PLXDC1: variants seen among roughly 807,000 people sequenced by gnomAD.
PLXDC1 encodes the protein plexin domain-containing protein 1.
In PLXDC1, 39 loss-of-function variants were observed where a neutral mutation model predicts 61.3. The observed-to-expected ratio is 0.64, with a 90% CI of 0.49 to 0.83. The LOEUF (loss-of-function observed/expected upper bound fraction) is 0.83, where lower values mean the gene tolerates loss of function less well. PLXDC1 is among the 40% of genes least tolerant of loss of function. The pLI is 0.00. For synonymous variants in PLXDC1, 212 were observed against 254.5 expected, an observed-to-expected ratio of 0.83 and a Z score of 1.59; for missense variants, 596 against 666.5, an observed-to-expected ratio of 0.89 and a Z score of 1.17.
chr17:39,079,013 G>T, intron 10 of PLXDC1, 91 bp downstream of exon 10: 1 of 1,020,982 alleles, frequency 9.8e-7, no homozygotes, highest in Non-Finnish European at 1.5e-6. Flanking sequence ...ATGCCACCTT[G>T]AGAAGAGTTT....
chr17:39,130,790 G>A (rs1247333923), intron 2 of PLXDC1, among the ~76,000 whole-genome samples: 1 of 152,040 alleles, frequency 6.6e-6, no homozygotes, highest in Non-Finnish European at 1.5e-5. Flanking sequence ...TCGAATTCCT[G>A]ACCTCAAATG....
chr17:39,069,994 G>C lies in PLXDC1; in HGVS notation c.1245C>G (p.Pro415=). 6.2e-7 allele frequency: 1 copy of C among 1,613,862 alleles called. No homozygotes were observed. Among genetic ancestry groups the C allele is most frequent in the African/African-American group, 1.3e-5 (1 of 75,002 alleles). The change falls in exon 13 of 14, where the codon CCC becomes CCG. Residue 415 remains proline, a synonymous_variant. Coordinates refer to ENST00000315392, the MANE Select transcript of PLXDC1 (RefSeq NM_020405.5). ...GGDGLQNNLS[P]KTKGTPVHLG... ...GGTGCACAGGAGTGCCCTTTGTCTT[G>C]GGGGACAGGTTGTTCTGAAGGCCTG...
intron 1 of PLXDC1, among the ~76,000 whole-genome samples, chr17:39,142,028 T>C (rs1311369233): frequency 2.6e-5 from 4 of 152,190 alleles, no homozygotes; most frequent in Non-Finnish European, 4.4e-5. Context: ...GGATAATTCA[T>C]TGTTATGCGG....
rs1567777199 is a variant in PLXDC1, at chr17:39,151,619, G to A, written c.-182C>T. 2.3e-5 allele frequency: 26 copies of A among 1,110,664 alleles called. No homozygotes were observed. Among genetic ancestry groups the A allele is most frequent in the Non-Finnish European group, 2.9e-5 (26 of 909,746 alleles). 68.8% of individuals were successfully genotyped at this position (1,110,664 alleles called of 1,614,324 possible). ...CGGCGAGAGCGCGAGCGGAGCTGGA[G>A]GCTGCGGCCTCCGGGAGCAGGCGGG... On this transcript the variant is annotated 5_prime_UTR_variant, in exon 1 of 14. Transcript: ENST00000315392. The surrounding 1 kb of genome is among the most constrained non-coding windows in gnomAD (Gnocchi z 5.2).
chr17:39,145,009 C>A (rs1000666156), intron 1 of PLXDC1, among the ~76,000 whole-genome samples: 1 of 152,160 alleles, frequency 6.6e-6, no homozygotes, highest in Non-Finnish European at 1.5e-5. Context: ...AACTGAGGCA[C>A]AAAGACGTTA....
chr17:39,142,110 C>T (rs1255663570), intron 1 of PLXDC1, among the ~76,000 whole-genome samples: 1 of 152,276 alleles, frequency 6.6e-6, no homozygotes, highest in South Asian at 2.1e-4. Context: ...GCCAGTAGCA[C>T]CACGCTCCTC....
intron 2 of PLXDC1, among the ~76,000 whole-genome samples, chr17:39,121,895 G>A (rs1310035998): frequency 2.6e-5 from 4 of 152,110 alleles, no homozygotes; most frequent in South Asian, 2.1e-4. Context: ...CCAGGAGTTC[G>A]AGACCAGCCT....
chr17:39,113,332 TC>T (rs1303837037), intron 2 of PLXDC1: 1 of 152,200 alleles, frequency 6.6e-6, no homozygotes, highest in Non-Finnish European at 1.5e-5. Context: ...TCTGTTGTTT[TC>T]AGCTACCAAA....
chr17:39,096,315 A>G (rs1461778621), intron 7 of PLXDC1, among the ~76,000 whole-genome samples: 1 of 152,238 alleles, frequency 6.6e-6, no homozygotes, highest in East Asian at 1.9e-4. Context: ...GAAATGACTC[A>G]GGGAGCAGAG....
intron 1 of PLXDC1, among the ~76,000 whole-genome samples, chr17:39,141,917 G>A (rs920949959): frequency 1.1e-4 from 16 of 152,088 alleles, no homozygotes; most frequent in Non-Finnish European, 1.6e-4. Context: ...TAGTGATGCC[G>A]AACATCTTTT....
intron 9 of PLXDC1, 103 bp downstream of exon 9, chr17:39,083,356 C>A: frequency 1.2e-6 from 1 of 826,706 alleles, no homozygotes; most frequent in Middle Eastern, 3.0e-4. Context: ...GAGATACTCT[C>A]ATGTTGGCTG....
At chr17:39,148,120 G>A (rs961547408) in intron 1 of PLXDC1, among the ~76,000 whole-genome samples, 2 of 152,044 alleles carry the variant, frequency 1.3e-5, no homozygotes, top group African/African-American at 4.8e-5. Flanking sequence ...AGAAGATGGT[G>A]GGATGAGGGA....
intron 7 of PLXDC1, among the ~76,000 whole-genome samples, chr17:39,099,418 A>G (rs951639301): frequency 2.0e-5 from 3 of 152,126 alleles, no homozygotes; most frequent in African/African-American, 4.8e-5. Flanking sequence ...GGTGCAGATG[A>G]AACAGACACA....
chr17:39,129,639 AAGAGAG>A (rs142405651), intron 2 of PLXDC1, among the ~76,000 whole-genome samples: 1 of 139,982 alleles, frequency 7.1e-6, no homozygotes, highest in Non-Finnish European at 1.5e-5. Context: ...AAAAGAAAGA[AAGAGAG>A]AGAGAGAGAG....
rs886351366 is a variant in PLXDC1 at position 39,063,436 on chromosome 17, A to G, written c.*4404T>C. On this transcript the variant is annotated 3_prime_UTR_variant, in exon 14 of 14. Transcript: ENST00000315392. ...TTTCTTTTTAGGCTGTTTCTCTTGGAGGTGGTGCAGGAGGTTGAGGAAAGC... is the reference window on the plus strand; with the variant it reads ...TTTCTTTTTAGGCTGTTTCTCTTGGGGGTGGTGCAGGAGGTTGAGGAAAGC... The G allele has an allele frequency of 4.3e-6, 3 of 702,344 alleles. No homozygotes were observed. In the East Asian group the frequency reaches 8.0e-5, roughly 19 times the overall value. The allele number at this position is 702,344 out of a possible 1,614,324, so 43.5% of individuals were successfully genotyped here. A position where few individuals can be genotyped will look rare whatever the true frequency, so the allele number is the denominator to read the frequency against.
intron 1 of PLXDC1, chr17:39,144,886 A>G (rs1912047092): frequency 6.6e-6 from 1 of 152,244 alleles, no homozygotes; most frequent in South Asian, 2.1e-4. Flanking sequence ...CTTTCAGAGA[A>G]TGCTGCTCTG....
chr17:39,086,191 C>T (rs1399485215), intron 8 of PLXDC1, among the ~76,000 whole-genome samples: 1 of 152,204 alleles, frequency 6.6e-6, no homozygotes, highest in African/African-American at 2.4e-5. Flanking sequence ...CTAAGGTTTG[C>T]TCTCACCAGT....
chr17:39,075,628 A>C (rs1014441002), intron 11 of PLXDC1, among the ~76,000 whole-genome samples: 1 of 152,150 alleles, frequency 6.6e-6, no homozygotes, highest in Non-Finnish European at 1.5e-5. Flanking sequence ...ACTGAATGTT[A>C]ATTTATGCGC....
Position 39,067,876 on chromosome 17 carries a change from A to T in PLXDC1, c.1467T>A (p.His489Gln). The change falls in exon 14 of 14, where the codon CAT (histidine) becomes CAA (glutamine). Residue 489 changes from histidine (H) to glutamine (Q), a missense_variant. Transcript: ENST00000315392. ...STYAEVEPSG[H>Q]EKEGFMEAEQ... ...CAGCCTCCATGAAGCCCTCCTTCTCATGGCCCGAGGGCTCCACCTCCGCAT... is the reference window on the plus strand; with the variant it reads ...CAGCCTCCATGAAGCCCTCCTTCTCTTGGCCCGAGGGCTCCACCTCCGCAT... 6.2e-7 allele frequency: 1 copy of T among 1,613,862 alleles called. No individual in the cohort carries two copies. Among genetic ancestry groups the T allele is most frequent in the Non-Finnish European group, 8.5e-7 (1 of 1,179,740 alleles).
Sources: allele counts gnomAD v4.1 joint callset (sites outside exome capture counted in the v4.1 genomes callset), GRCh38; gene constraint gnomAD v4.1.1; non-coding constraint Gnocchi (gnomAD v3.1); transcripts MANE v1.5; gene names NCBI Gene and HGNC (gene_info 2026-07-23, HGNC 2026-07-21).